MRGBP: variants seen among roughly 807,000 people sequenced by gnomAD.
MRGBP encodes the protein MRG domain binding protein.
In MRGBP, 5 loss-of-function variants were observed where a neutral mutation model predicts 21.5. The ratio of observed to expected loss-of-function variants is 0.23; its 90% CI spans 0.12 to 0.49. The LOEUF is 0.49. Among genes scored for constraint, MRGBP ranks in the 20% least tolerant of loss-of-function variants. The pLI, the probability that MRGBP is intolerant of heterozygous loss-of-function variation, is 0.98. For missense variants in MRGBP, 227 were observed against 277.4 expected, an observed-to-expected ratio of 0.82 and a Z score of 1.29; for synonymous variants, 118 against 104.4, an observed-to-expected ratio of 1.13 and a Z score of -0.79.
chr20:62,798,507 G>T (rs1460444105), intron 2 of MRGBP, 80 bp from the exon 3 acceptor site: 3 of 1,204,656 alleles, frequency 2.5e-6, no homozygotes, highest in African/African-American at 3.0e-5. Context: ...TCCCCAAGTG[G>T]CTCTTACACG....
In MRGBP at chr20:62,800,239, C is replaced by T. The variant is rs984834719; in HGVS notation, c.*596C>T. ...GGAAACTAAGAACTGGATATTTTGC[C>T]TCATTCACTTGTACTGTAACAATGT... On this transcript the variant is annotated 3_prime_UTR_variant, in exon 5 of 5. Coordinates refer to ENST00000370487, the MANE Select transcript of MRGBP (RefSeq NM_018270.6). The T allele has an allele frequency of 6.6e-6, 1 of 152,604 alleles. No individual in the cohort carries two copies. The highest frequency in any genetic ancestry group is 1.5e-5 in the Non-Finnish European group (1 of 68,134). The allele number at this position is 152,604 out of a possible 1,614,324, so 9.5% of individuals were successfully genotyped here. A position where few individuals can be genotyped will look rare whatever the true frequency, so the allele number is the denominator to read the frequency against.
At chr20:62,796,802 C>T in intron 1 of MRGBP, 131 bp downstream of exon 1, 2 of 954,754 alleles carry the variant, frequency 2.1e-6, no homozygotes, top group Non-Finnish European at 2.6e-6. Context: ...GCCGCCACAC[C>T]CGTCCCGGGA....
chr20:62,799,396 G>A, intron 4 of MRGBP, 60 bp from the exon 5 acceptor site: 1 of 1,552,630 alleles, frequency 6.4e-7, no homozygotes, highest in Non-Finnish European at 8.8e-7. Flanking sequence ...AACTGAACAG[G>A]AAGACAAAAA....
At position 62,800,556 on chromosome 20, in the gene MRGBP, T is replaced by C. The variant is rs1355559321; in HGVS notation, c.*913T>C. On this transcript the variant is annotated 3_prime_UTR_variant, in exon 5 of 5. Coordinates refer to ENST00000370487, the MANE Select transcript of MRGBP (RefSeq NM_018270.6). ...CCCAGTGCTGATGGAGATGCCACTT[T>C]CGTGTGACTGCGAACATTAAAGCAC... The C allele has an allele frequency of 1.3e-5, 2 of 152,302 alleles. No individual in the cohort carries two copies. Among genetic ancestry groups the C allele is most frequent in the Non-Finnish European group, 2.9e-5 (2 of 68,040 alleles). 9.4% of individuals were successfully genotyped at this position (152,302 alleles called of 1,614,324 possible). A position where few individuals can be genotyped will look rare whatever the true frequency, so the allele number is the denominator to read the frequency against.
At chr20:62,799,154 G>C (rs1164826121) in intron 4 of MRGBP, 105 bp downstream of exon 4, 5 of 1,232,300 alleles carry the variant, frequency 4.1e-6, no homozygotes, top group Non-Finnish European at 3.4e-6. Context: ...GCGGTGCAGA[G>C]GCCCCAGGCA....
At chr20:62,798,547 C>T (rs375012435) in intron 2 of MRGBP, 40 bp from the exon 3 acceptor site, 17 of 1,561,064 alleles carry the variant, frequency 1.1e-5, no homozygotes, top group Non-Finnish European at 1.4e-5. Context: ...ACTGCATCTT[C>T]ACCCTTGTTT....
rs1265630047 is a variant in MRGBP, at chr20:62,799,892, G to A, written c.*249G>A. The A allele has an allele frequency of 6.6e-6, 3 of 457,558 alleles. No individual in the cohort carries two copies. The highest frequency in any genetic ancestry group is 1.2e-5 in the Non-Finnish European group (3 of 258,524). 28.3% of individuals were successfully genotyped at this position (457,558 alleles called of 1,614,324 possible). ...GTCCAGCTCAGATATTGAGGGCTCT[G>A]AAGCCTAGTTCTGTCTTCTCTGGAG... On this transcript the variant is annotated 3_prime_UTR_variant, in exon 5 of 5. Transcript: ENST00000370487.
At position 62,801,104 on chromosome 20, in the gene MRGBP, C is replaced by G. The variant is rs1246795290; in HGVS notation, c.*1461C>G. ...ACTAAAGGGGCAAAGCCAGGAATCCCGTGCCATGTGATCGCCCCGTGTGGC... is the reference window on the plus strand; with the variant it reads ...ACTAAAGGGGCAAAGCCAGGAATCCGGTGCCATGTGATCGCCCCGTGTGGC... On this transcript the variant is annotated 3_prime_UTR_variant, in exon 5 of 5. Transcript: ENST00000370487. 1 of 152,268 alleles carries G rather than the reference C, an allele frequency of 6.6e-6. No individual in the cohort carries two copies. The highest frequency in any genetic ancestry group is 1.9e-4 in the East Asian group (1 of 5,202). The allele number at this position is 152,268 out of a possible 1,614,324, so 9.4% of individuals were successfully genotyped here.
rs1179154769 is a variant in MRGBP, at chr20:62,800,358, GTTGTATT to G, written c.*718_*724del. The G allele has an allele frequency of 1.3e-5, 2 of 152,534 alleles. No individual in the cohort carries two copies. Among genetic ancestry groups the G allele is most frequent in the Non-Finnish European group, 2.9e-5 (2 of 68,036 alleles). 9.4% of individuals were successfully genotyped at this position (152,534 alleles called of 1,614,324 possible). On this transcript the variant is annotated 3_prime_UTR_variant, in exon 5 of 5. Transcript: ENST00000370487. ...AAAGTACTGCAGAAGTTAAACCTGT[GTTGTATT>G]TTTTCTGAGATGTTTTGCTTTAAGA...
chr20:62,798,879 T>G, intron 3 of MRGBP, 96 bp from the exon 4 acceptor site: 3 of 1,587,560 alleles, frequency 1.9e-6, no homozygotes, highest in Non-Finnish European at 2.6e-6. Context: ...GAGGCCTGTG[T>G]GGGCAGCAAG....
intron 2 of MRGBP, 57 bp from the exon 3 acceptor site, chr20:62,798,530 T>C (rs1990385002): frequency 1.3e-6 from 2 of 1,485,190 alleles, no homozygotes; most frequent in East Asian, 2.3e-5. Flanking sequence ...TCTAGTGACT[T>C]CTTGAAACTG....
chr20:62,799,733 C>A lies in MRGBP; in HGVS notation c.*90C>A. ...GGTCTGAGTGCCACCCCCCAGGCCA[C>A]AGTGATACCATCCCAGTGCCATGAG... On this transcript the variant is annotated 3_prime_UTR_variant, in exon 5 of 5. Transcript: ENST00000370487. The A allele has an allele frequency of 1.5e-6, 2 of 1,373,584 alleles. No individual in the cohort carries two copies. The highest frequency in any genetic ancestry group is 2.0e-6 in the Non-Finnish European group (2 of 1,015,426). 85.1% of individuals were successfully genotyped at this position (1,373,584 alleles called of 1,614,324 possible).
At position 62,796,678 on chromosome 20, in the gene MRGBP, G is replaced by A. The variant is rs746375650; in HGVS notation, c.148+7G>A. The stretch of plus-strand genomic sequence containing the variant: ...CTGGGCCACAAGCCCGTCGGTGAGC[G>A]CCCAGGCTGCGGACGCGCGTGGGGG... On this transcript the variant is annotated splice_region_variant and intron_variant, in intron 1 of 4. Coordinates refer to ENST00000370487, the MANE Select transcript of MRGBP (RefSeq NM_018270.6). The A allele has an allele frequency of 6.2e-6, 8 of 1,294,714 alleles. No individual in the cohort carries two copies. The highest frequency in any genetic ancestry group is 4.0e-5 in the Admixed American group (1 of 25,300). 80.2% of individuals were successfully genotyped at this position (1,294,714 alleles called of 1,614,324 possible).
In MRGBP at chr20:62,797,163, A is replaced by G. The variant is rs1990355797; in HGVS notation, c.202A>G (p.Ile68Val). The change falls in exon 2 of 5, where the codon ATC becomes GTC. Residue 68 changes from isoleucine to valine, a missense_variant. By Grantham distance (29) the Ile-to-Val change is conservative. This residue lies in a region of MRGBP where 162 missense variants were observed against 227.7 expected (regional missense o/e 0.71). Coordinates refer to ENST00000370487, the MANE Select transcript of MRGBP (RefSeq NM_018270.6). ...ICIRDKFSQN[I>V]GRQVPSKVIW... ...TATTCGGGACAAGTTCAGCCAGAAC[A>G]TCGGGCGGCAGGTCCCATCCAAGGT... 1 of 1,607,670 alleles carries G rather than the reference A, an allele frequency of 6.2e-7. No homozygotes were observed. Among genetic ancestry groups the G allele is most frequent in the African/African-American group, 1.3e-5 (1 of 74,384 alleles).
chr20:62,799,108 C>G, intron 4 of MRGBP, 59 bp downstream of exon 4: 1 of 1,541,084 alleles, frequency 6.5e-7, no homozygotes, highest in South Asian at 1.2e-5. Flanking sequence ...CCAAGACTGC[C>G]TTCAGGCAGG....
In MRGBP at chr20:62,796,667, C is replaced by G. The variant is rs757641205; in HGVS notation, c.144C>G (p.Pro48=). The change falls in exon 1 of 5, where the codon CCC becomes CCG. Residue 48 remains proline (P), a synonymous_variant. Coordinates refer to ENST00000370487, the MANE Select transcript of MRGBP (RefSeq NM_018270.6). ...TCCACGCCATGCTGGGCCACAAGCCCGTCGGTGAGCGCCCAGGCTGCGGAC... is the reference window on the plus strand; with the variant it reads ...TCCACGCCATGCTGGGCCACAAGCCGGTCGGTGAGCGCCCAGGCTGCGGAC... ...CLFHAMLGHK[P]VGVNRHFHMI... The G allele has an allele frequency of 1.6e-5, 21 of 1,313,992 alleles. No individual in the cohort carries two copies. The highest frequency in any genetic ancestry group is 2.0e-5 in the Non-Finnish European group (21 of 1,027,878). The allele number at this position is 1,313,992 out of a possible 1,614,324, so 81.4% of individuals were successfully genotyped here.
At position 62,801,120 on chromosome 20, in the gene MRGBP, C is replaced by G. The variant is rs950424586; in HGVS notation, c.*1477C>G. ...CAGGAATCCCGTGCCATGTGATCGCCCCGTGTGGCACCTGCCACTCGTCTG... is the reference window on the plus strand; with the variant it reads ...CAGGAATCCCGTGCCATGTGATCGCGCCGTGTGGCACCTGCCACTCGTCTG... On this transcript the variant is annotated 3_prime_UTR_variant, in exon 5 of 5. Coordinates refer to ENST00000370487, the MANE Select transcript of MRGBP (RefSeq NM_018270.6). 4 of 152,252 alleles carry G rather than the reference C, an allele frequency of 2.6e-5. No homozygotes were observed. Among genetic ancestry groups the G allele is most frequent in the African/African-American group, 7.2e-5 (3 of 41,462 alleles). 9.4% of individuals were successfully genotyped at this position (152,252 alleles called of 1,614,324 possible).
At chr20:62,797,827 G>A (rs367797602) in intron 2 of MRGBP, among the ~76,000 whole-genome samples, 4 of 152,364 alleles carry the variant, frequency 2.6e-5, no homozygotes, top group African/African-American at 9.6e-5. Context: ...AGGGTGGCCA[G>A]AAGAGACAGG....
At chr20:62,797,085 A>C in intron 1 of MRGBP, 25 bp from the exon 2 acceptor site, 1 of 1,535,598 alleles carries the variant, frequency 6.5e-7, no homozygotes, top group Non-Finnish European at 8.7e-7. Flanking sequence ...CTCACCGGTT[A>C]TCCCGCCGCC....
Sources: gnomAD v4.1 joint callset for allele counts (sites outside exome capture counted in the v4.1 genomes callset) on GRCh38, gnomAD v4.1.1 for gene constraint, gnomAD v4.1.1 regional missense constraint, MANE v1.5 for transcripts, NCBI Gene and HGNC (gene_info 2026-07-23, HGNC 2026-07-21) for gene names.